The following DPYD variants were observed in gnomAD, a reference collection of about 807,000 sequenced individuals.
The protein encoded by DPYD is dihydropyrimidine dehydrogenase [NADP(+)].
DPYD carries 109 observed loss-of-function variants against 116.2 expected under a neutral mutation model. That is an observed-to-expected ratio of 0.94 (90% CI 0.80 to 1.10). DPYD has a LOEUF of 1.10. Ranked by LOEUF, DPYD falls within the 50% of genes least tolerant of loss-of-function variation. The pLI, the probability that DPYD is intolerant of heterozygous loss-of-function variation, is 0.00. For synonymous variants in DPYD, 440 were observed against 432.0 expected, an observed-to-expected ratio of 1.02 and a Z score of -0.23; for missense variants, 1,302 against 1,254.5, an observed-to-expected ratio of 1.04 and a Z score of -0.57.
At chr1:97,285,251 C>CTA (rs1431970063) in intron 18 of DPYD, among the ~76,000 whole-genome samples, 1 of 152,164 alleles carries the variant, frequency 6.6e-6, no homozygotes, top group East Asian at 1.9e-4. Context: ...ACCTCTTAAA[C>CTA]ATTAGGCATT....
At chr1:97,800,397 A>G (rs1667788124) in intron 3 of DPYD, among the ~76,000 whole-genome samples, 1 of 151,864 alleles carries the variant, frequency 6.6e-6, no homozygotes, top group African/African-American at 2.4e-5. Flanking sequence ...GTCTAGATGA[A>G]AATATCCATG....
intron 10 of DPYD, among the ~76,000 whole-genome samples, chr1:97,577,650 C>T (rs976301101): frequency 4.6e-5 from 7 of 151,948 alleles, no homozygotes; most frequent in Admixed American, 3.9e-4. Flanking sequence ...TTGAGCCTGT[C>T]CCAATCATTG....
At chr1:97,849,644 A>G (rs1670477301) in intron 2 of DPYD, among the ~76,000 whole-genome samples, 2 of 152,188 alleles carry the variant, frequency 1.3e-5, no homozygotes, top group African/African-American at 4.8e-5. Flanking sequence ...CACTCCACAA[A>G]TAAGAACTGT....
intron 20 of DPYD, among the ~76,000 whole-genome samples, chr1:97,147,197 A>AATTAG (rs1654691462): frequency 6.6e-6 from 1 of 152,130 alleles, no homozygotes; most frequent in Non-Finnish European, 1.5e-5. Flanking sequence ...AAACTACAAA[A>AATTAG]ATTAGCTGGG....
intron 20 of DPYD, among the ~76,000 whole-genome samples, chr1:97,149,749 G>C (rs1490092114): frequency 6.6e-6 from 1 of 152,220 alleles, no homozygotes; most frequent in African/African-American, 2.4e-5. Flanking sequence ...AGGACCTTCT[G>C]AGAGGGAAGC....
intron 8 of DPYD, among the ~76,000 whole-genome samples, chr1:97,643,070 C>T (rs1050309645): frequency 4.6e-5 from 7 of 151,744 alleles, no homozygotes; most frequent in African/African-American, 1.7e-4. Context: ...GGCAACAAAA[C>T]CCAAAATTGA....
chr1:97,235,083 A>G lies in DPYD; in HGVS notation c.2300-89T>C, dbSNP rs138299941. The G allele has an allele frequency of 3.8e-4, 580 of 1,507,720 alleles. 2 individuals are homozygous for G. In the Middle Eastern group the frequency reaches 9.2e-3, roughly 24 times the overall value. The allele number at this position is 1,507,720 out of a possible 1,614,324, so 93.4% of individuals were successfully genotyped here. ...ACTTCTATTACTATGATGTGATGAC[A>G]GCGTCACTGGACAAATTTCAAATTA... On this transcript the variant is annotated intron_variant, in intron 18 of 22. Transcript: ENST00000370192.
In DPYD at chr1:97,306,281, C is replaced by A. The variant is rs375436137; in HGVS notation, c.2075G>T (p.Arg692Leu). Reference sequence around the variant, plus strand: ...TTGCCTAACCCAGCGGCAGATGTTCCGCACCAGCTCTGGATCCTGTTCAAA... The same window carrying A: ...TTGCCTAACCCAGCGGCAGATGTTCAGCACCAGCTCTGGATCCTGTTCAAA... ...LACGQDPELV[R>L]NICRWVRQAV... Residue 692 changes from arginine (R) to leucine (L), a missense_variant, in exon 17 of 23, where the codon CGG (arginine) becomes CTG (leucine). Arg to Leu is a moderately radical substitution (Grantham distance 102). Transcript: ENST00000370192. 5 of 1,612,084 alleles carry A rather than the reference C, an allele frequency of 3.1e-6. No homozygotes were observed. The African/African-American group carries it at 6.7e-5, about 22-fold the overall frequency.
intron 2 of DPYD, among the ~76,000 whole-genome samples, chr1:97,830,563 T>C (rs1036589782): frequency 3.3e-5 from 5 of 152,070 alleles, no homozygotes; most frequent in Non-Finnish European, 2.9e-5. Context: ...ATACAAAAAT[T>C]AGCTGGGCAT....
chr1:97,374,240 G>A lies in DPYD; in HGVS notation c.1975-596C>T, dbSNP rs148072322. On this transcript the variant is annotated intron_variant, in intron 15 of 22. Transcript: ENST00000370192. ...GTTTGTCTAAGAAATAGGAAGTATT[G>A]ATAGTTTTGTCTTAATTACTTAATA... 5.9e-4 allele frequency among the ~76,000 whole-genome samples: 90 copies of A among 152,228 alleles called. 3 individuals carry two copies. In the East Asian group the frequency reaches 0.017, roughly 28 times the overall value.
chr1:97,187,291 A>G (rs761691438), intron 20 of DPYD, among the ~76,000 whole-genome samples: 1 of 152,122 alleles, frequency 6.6e-6, no homozygotes, highest in Non-Finnish European at 1.5e-5. Flanking sequence ...ATAAGATAAT[A>G]TCTCATTGTG....
chr1:97,471,821 C>A (rs1409870559), intron 13 of DPYD, among the ~76,000 whole-genome samples: 1 of 152,148 alleles, frequency 6.6e-6, no homozygotes, highest in Non-Finnish European at 1.5e-5. Context: ...AACTCCTGGG[C>A]TCAGGTGATC....
intron 18 of DPYD, among the ~76,000 whole-genome samples, chr1:97,292,829 G>T (rs1424117174): frequency 6.6e-6 from 1 of 150,972 alleles, no homozygotes; most frequent in Non-Finnish European, 1.5e-5. Flanking sequence ...GGAACACTAG[G>T]GTAAAAAGAT....
At chr1:97,324,473 G>T (rs769352631) in intron 16 of DPYD, among the ~76,000 whole-genome samples, 1 of 152,014 alleles carries the variant, frequency 6.6e-6, no homozygotes, top group African/African-American at 2.4e-5. Flanking sequence ...TTTACGGCAG[G>T]TGTATGCCAA....
intron 19 of DPYD, among the ~76,000 whole-genome samples, chr1:97,218,621 AAT>A: frequency 6.6e-6 from 1 of 151,408 alleles, no homozygotes; most frequent in Non-Finnish European, 1.5e-5. Context: ...CAAATTTTCT[AAT>A]CTTGGACGAT....
intron 16 of DPYD, among the ~76,000 whole-genome samples, chr1:97,325,219 T>C (rs1335962565): frequency 2.0e-5 from 3 of 152,052 alleles, no homozygotes; most frequent in Non-Finnish European, 4.4e-5. Context: ...GAACATACTA[T>C]GGTGAACTTT....
At chr1:97,585,661 G>T (rs1654042044) in intron 10 of DPYD, among the ~76,000 whole-genome samples, 1 of 151,978 alleles carries the variant, frequency 6.6e-6, no homozygotes, top group African/African-American at 2.4e-5. Flanking sequence ...CTTTCGAATA[G>T]CATATACATT....
chr1:97,631,692 G>T (rs1657269810), intron 8 of DPYD, among the ~76,000 whole-genome samples: 1 of 151,960 alleles, frequency 6.6e-6, no homozygotes, highest in Admixed American at 6.6e-5. Context: ...CCACAAAAAT[G>T]TAAGAATAAT....
At chr1:97,784,370 C>T (rs1666908985) in intron 3 of DPYD, among the ~76,000 whole-genome samples, 4 of 152,142 alleles carry the variant, frequency 2.6e-5, no homozygotes, top group Admixed American at 2.6e-4. Flanking sequence ...AACCAAGCTT[C>T]CCTGGCAAGA....
Sources: gnomAD v4.1 joint callset for allele counts (sites outside exome capture counted in the v4.1 genomes callset) on GRCh38, gnomAD v4.1.1 for gene constraint, MANE v1.5 for transcripts, NCBI Gene and HGNC (gene_info 2026-07-23, HGNC 2026-07-21) for gene names.